The following NPAS3 variants were observed in gnomAD, a reference collection of about 807,000 sequenced individuals.
The protein encoded by NPAS3 is neuronal PAS domain-containing protein 3.
In NPAS3, 14 loss-of-function variants were observed where a neutral mutation model predicts 73.1. That is an observed-to-expected ratio of 0.19 (90% CI 0.13 to 0.30). The LOEUF (loss-of-function observed/expected upper bound fraction) is 0.30. Among genes scored for constraint, NPAS3 ranks in the 10% least tolerant of loss-of-function variants. The probability of loss-of-function intolerance (pLI) is 1.00; values close to 1 mark genes in which losing one functional copy is unlikely to be tolerated. For missense variants in NPAS3, 1,096 were observed against 1,250.0 expected, an observed-to-expected ratio of 0.88 and a Z score of 1.86; for synonymous variants, 620 against 541.5, an observed-to-expected ratio of 1.14 and a Z score of -2.01.
intron 5 of NPAS3, among the ~76,000 whole-genome samples, chr14:33,670,622 C>CT (rs2059584281): frequency 1.4e-5 from 2 of 145,320 alleles, no homozygotes; most frequent in African/African-American, 5.0e-5. Flanking sequence ...GTGACCCCCC[C>CT]TCAAAAAAAA....
At chr14:33,207,519 TTCATTTATCC>T (rs1189040792) in intron 2 of NPAS3, among the ~76,000 whole-genome samples, 5 of 152,172 alleles carry the variant, frequency 3.3e-5, no homozygotes, top group African/African-American at 1.2e-4. Flanking sequence ...GTTCAGGACA[TTCATTTATCC>T]TCAAGAATTC....
At position 33,703,738 on chromosome 14, in the gene NPAS3, T is replaced by C. The variant is rs544338901; in HGVS notation, c.733+27353T>C. Among the ~76,000 whole-genome samples, 43 of 152,226 alleles carry C rather than the reference T, an allele frequency of 2.8e-4. 1 individual carries two copies. In the South Asian group the frequency reaches 8.5e-3, roughly 30 times the overall value. On this transcript the variant is annotated intron_variant, in intron 6 of 11. Transcript: ENST00000356141. The stretch of plus-strand genomic sequence containing the variant: ...CTTCCTATGTGCCAGGCCATATACA[T>C]GTATTATCTGGTTTAATTCTTACCA...
chr14:33,146,451 A>G (rs920089774), intron 2 of NPAS3, among the ~76,000 whole-genome samples: 1 of 152,192 alleles, frequency 6.6e-6, no homozygotes, highest in Non-Finnish European at 1.5e-5. Context: ...GGCACTTGGC[A>G]CGTGATAGCA....
intron 5 of NPAS3, among the ~76,000 whole-genome samples, chr14:33,609,360 A>G (rs748503763): frequency 6.6e-6 from 1 of 152,190 alleles, no homozygotes; most frequent in Non-Finnish European, 1.5e-5. Flanking sequence ...AGACCATTGG[A>G]TAGACTTGAA....
chr14:33,241,704 T>G (rs1228184608), intron 3 of NPAS3, among the ~76,000 whole-genome samples: 3 of 152,016 alleles, frequency 2.0e-5, no homozygotes, highest in Non-Finnish European at 4.4e-5. Context: ...CAGGCTGCTT[T>G]GACAGTAAAT....
chr14:33,367,704 A>G (rs1173727142), intron 4 of NPAS3, among the ~76,000 whole-genome samples: 1 of 149,820 alleles, frequency 6.7e-6, no homozygotes, highest in Non-Finnish European at 1.5e-5. Flanking sequence ...TTGAGTTCGT[A>G]TTTGTGAGTG....
At chr14:33,212,387 T>C (rs2047071373) in intron 2 of NPAS3, among the ~76,000 whole-genome samples, 1 of 152,126 alleles carries the variant, frequency 6.6e-6, no homozygotes, top group Non-Finnish European at 1.5e-5. Flanking sequence ...AGAAGATTAC[T>C]CTAATAGGGG....
At chr14:33,293,328 G>T (rs2140119056) in intron 3 of NPAS3, among the ~76,000 whole-genome samples, 1 of 152,270 alleles carries the variant, frequency 6.6e-6, no homozygotes, top group Non-Finnish European at 1.5e-5. Context: ...GGTGGGCATG[G>T]TAGAGGTGTA....
Position 32,944,566 on chromosome 14 carries a change from C to A in NPAS3, c.50+5200C>A, listed in dbSNP as rs80058656. Among the ~76,000 whole-genome samples, 549 of 151,758 alleles carry A rather than the reference C, an allele frequency of 3.6e-3. 22 individuals carry two copies. The East Asian group carries it at 0.1, about 28-fold the overall frequency. ...TTCCCAGTAAATAGTGGCCTTTTTTCCCCCCTCATTGGTCAGTGTAATAAA... is the reference window on the plus strand; with the variant it reads ...TTCCCAGTAAATAGTGGCCTTTTTTACCCCCTCATTGGTCAGTGTAATAAA... On this transcript the variant is annotated intron_variant, in intron 1 of 11. Coordinates refer to ENST00000356141, the Ensembl canonical transcript of NPAS3.
At chr14:33,269,000 T>C (rs17100485) in intron 3 of NPAS3, among the ~76,000 whole-genome samples, 13,764 of 152,182 alleles carry the variant, frequency 0.09, 715 homozygotes, top group Non-Finnish European at 0.1. Flanking sequence ...TCTTGAAGTA[T>C]GGCCGGTAAA....
At chr14:33,704,060 C>A (rs1191124164) in intron 6 of NPAS3, among the ~76,000 whole-genome samples, 1 of 152,158 alleles carries the variant, frequency 6.6e-6, no homozygotes, top group Admixed American at 6.5e-5. Flanking sequence ...AGTAATAAGA[C>A]CCACTTCAAA....
At chr14:33,710,690 C>A (rs1467865490) in intron 6 of NPAS3, among the ~76,000 whole-genome samples, 1 of 152,138 alleles carries the variant, frequency 6.6e-6, no homozygotes, top group Non-Finnish European at 1.5e-5. Context: ...GAAGGACTGG[C>A]CCCAGGACAT....
At chr14:33,322,887 A>G (rs2043520205) in intron 3 of NPAS3, among the ~76,000 whole-genome samples, 1 of 152,152 alleles carries the variant, frequency 6.6e-6, no homozygotes. Flanking sequence ...GCCTATTTGT[A>G]TATCTGACCC....
At chr14:33,465,920 G>C (rs2050497278) in intron 4 of NPAS3, among the ~76,000 whole-genome samples, 1 of 152,066 alleles carries the variant, frequency 6.6e-6, no homozygotes, top group African/African-American at 2.4e-5. Flanking sequence ...ATGCTAAATT[G>C]TGTAGTATCT....
At chr14:33,606,041 AC>A (rs370036402) in intron 5 of NPAS3, among the ~76,000 whole-genome samples, 90 of 152,038 alleles carry the variant, frequency 5.9e-4, no homozygotes, top group African/African-American at 2.2e-3. Context: ...AAAGGAGCAG[AC>A]CCACACATTT....
chr14:33,424,164 G>A lies in NPAS3; in HGVS notation c.468+56896G>A, dbSNP rs192773744. On this transcript the variant is annotated intron_variant, in intron 4 of 11. Transcript: ENST00000356141. ...TGAAAGGTATGATTTCCTTGAGAAA[G>A]TGATACTCAAGCTGAAATCCAAGAG... 1.4e-4 allele frequency among the ~76,000 whole-genome samples: 21 copies of A among 152,096 alleles called. No individual in the cohort carries two copies. The East Asian group carries it at 2.1e-3, about 15-fold the overall frequency.
intron 2 of NPAS3, among the ~76,000 whole-genome samples, chr14:33,192,660 A>G (rs2046212722): frequency 6.6e-6 from 1 of 152,238 alleles, no homozygotes; most frequent in African/African-American, 2.4e-5. Context: ...GGAACTTAAA[A>G]GAAGTCAGGA....
intron 6 of NPAS3, among the ~76,000 whole-genome samples, chr14:33,728,563 A>G (rs1235244890): frequency 2.6e-5 from 4 of 152,206 alleles, no homozygotes; most frequent in African/African-American, 9.6e-5. Flanking sequence ...CTGCAACTGC[A>G]TAGTCTGCAA....
chr14:33,337,867 C>A lies in NPAS3; in HGVS notation c.386-29319C>A, dbSNP rs527959131. 5.3e-5 allele frequency among the ~76,000 whole-genome samples: 8 copies of A among 151,952 alleles called. No homozygotes were observed. In the South Asian group the frequency reaches 1.7e-3, roughly 32 times the overall value. ...ATCATTGTGAATAGAATTTAATTTT[C>A]AAATATTTGCTAGTATATTGAAATA... On this transcript the variant is annotated intron_variant, in intron 3 of 11. Transcript: ENST00000356141.
Sources: allele counts gnomAD v4.1 joint callset (sites outside exome capture counted in the v4.1 genomes callset), GRCh38; gene constraint gnomAD v4.1.1; transcripts MANE v1.5; gene names NCBI Gene and HGNC (gene_info 2026-07-23, HGNC 2026-07-21).